Variants in WDR77 observed in about 807,000 individuals in gnomAD.
WDR77 encodes WD repeat domain 77.
A neutral mutation model predicts 44.0 loss-of-function variants in WDR77; 31 were observed. The observed-to-expected ratio is 0.70, with a 90% CI of 0.53 to 0.95. The LOEUF (loss-of-function observed/expected upper bound fraction) is 0.95. WDR77 is among the 40% of genes least tolerant of loss of function. WDR77 has a pLI of 0.00. For synonymous variants in WDR77, 186 were observed against 165.7 expected, an observed-to-expected ratio of 1.12 and a Z score of -0.94; for missense variants, 390 against 423.9, an observed-to-expected ratio of 0.92 and a Z score of 0.70.
chr1:111,440,239 T>C lies in WDR77; in HGVS notation c.*991A>G, dbSNP rs1212366224. ...CTCACATAAGTGAAATATATCTAAC[T>C]ACACATAACACACATGCTTCAAAAA... On this transcript the variant is annotated 3_prime_UTR_variant, in exon 10 of 10. Coordinates refer to ENST00000235090, the MANE Select transcript of WDR77 (RefSeq NM_024102.4). 6.6e-6 allele frequency: 1 copy of C among 152,198 alleles called. No individual in the cohort carries two copies. Among genetic ancestry groups the C allele is most frequent in the African/African-American group, 2.4e-5 (1 of 41,448 alleles). 9.4% of individuals were successfully genotyped at this position (152,198 alleles called of 1,614,324 possible).
intron 8 of WDR77, 47 bp downstream of exon 8, chr1:111,442,606 C>T (rs1164677023): frequency 8.2e-6 from 11 of 1,335,586 alleles, no homozygotes; most frequent in Admixed American, 5.0e-5. Flanking sequence ...CACACCCTCA[C>T]GGTTCCCATT....
intron 8 of WDR77, among the ~76,000 whole-genome samples, chr1:111,442,345 T>C (rs1652850683): frequency 6.6e-6 from 1 of 152,192 alleles, no homozygotes; most frequent in South Asian, 2.1e-4. Flanking sequence ...GCTTCAGCAA[T>C]AACCCAGAAA....
Position 111,443,535 on chromosome 1 carries a change from G to C in WDR77, c.620-141C>G, listed in dbSNP as rs887961257. On this transcript the variant is annotated intron_variant, in intron 6 of 9. Coordinates refer to ENST00000235090, the MANE Select transcript of WDR77 (RefSeq NM_024102.4). ...AAGGCAGCAGTGTCCTCATCCTTGA[G>C]CCTCATAACCATTTATCCCAGCAGC... 5 of 1,262,930 alleles carry C rather than the reference G, an allele frequency of 4.0e-6. No individual in the cohort carries two copies. The African/African-American group carries it at 6.1e-5, about 15-fold the overall frequency. 78.2% of individuals were successfully genotyped at this position (1,262,930 alleles called of 1,614,324 possible).
intron 7 of WDR77, among the ~76,000 whole-genome samples, 170 bp from the exon 8 acceptor site, chr1:111,442,931 G>A (rs1652873152): frequency 6.6e-6 from 1 of 152,196 alleles, no homozygotes. Flanking sequence ...TTAAGTTAAT[G>A]AACGAAGCAG....
rs1308466453 is a variant in WDR77 at position 111,441,000 on chromosome 1, C to T, written c.*230G>A. On this transcript the variant is annotated 3_prime_UTR_variant, in exon 10 of 10. Coordinates refer to ENST00000235090, the MANE Select transcript of WDR77 (RefSeq NM_024102.4). The stretch of plus-strand genomic sequence containing the variant: ...GCCACTACCAAAAACTATAAATCTA[C>T]ACACACACTCACACGCACATACATG... 2.9e-6 allele frequency: 1 copy of T among 340,374 alleles called. No individual in the cohort carries two copies. Among genetic ancestry groups the T allele is most frequent in the East Asian group, 4.6e-5 (1 of 21,522 alleles). 21.1% of individuals were successfully genotyped at this position (340,374 alleles called of 1,614,324 possible).
At chr1:111,447,187 T>C (rs1458778517) in intron 3 of WDR77, 43 bp from the exon 4 acceptor site, 3 of 1,608,330 alleles carry the variant, frequency 1.9e-6, no homozygotes, top group Non-Finnish European at 2.6e-6. Flanking sequence ...TGACCTACAC[T>C]ATCAACATAA....
intron 4 of WDR77, among the ~76,000 whole-genome samples, chr1:111,445,894 A>G (rs1258050093): frequency 6.6e-6 from 1 of 152,028 alleles, no homozygotes; most frequent in Non-Finnish European, 1.5e-5. Context: ...TCAGCCTCCC[A>G]AGTAGCTGGG....
rs774127230 is a variant in WDR77, at chr1:111,441,267, G to A, written c.992C>T (p.Pro331Leu). 1.9e-6 allele frequency: 3 copies of A among 1,580,332 alleles called. No homozygotes were observed. Among genetic ancestry groups the A allele is most frequent in the African/African-American group, 2.7e-5 (2 of 73,322 alleles). ...ACTTGCAGGTCCAGGGGCTGGGAGA[G>A]GTTCTGTGGGCACAACGTGGTGGAC... ...QVVHHVVPTE[P>L]LPAPGPASVT... Residue 331 changes from proline (P) to leucine (L), a missense_variant, in exon 10 of 10, where the codon CCT (proline) becomes CTT (leucine). Physicochemically the swap from Pro to Leu is moderately conservative, Grantham distance 98. Coordinates refer to ENST00000235090, the MANE Select transcript of WDR77 (RefSeq NM_024102.4).
At chr1:111,448,295 T>C (rs1464324378) in intron 2 of WDR77, among the ~76,000 whole-genome samples, 1 of 152,060 alleles carries the variant, frequency 6.6e-6, no homozygotes, top group Non-Finnish European at 1.5e-5. Context: ...GTAGCACAGA[T>C]TGGCTTCAAT....
At chr1:111,447,755 G>A (rs79930723) in intron 2 of WDR77, among the ~76,000 whole-genome samples, 179 bp from the exon 3 acceptor site, 3 of 152,148 alleles carry the variant, frequency 2.0e-5, no homozygotes, top group East Asian at 3.9e-4. Flanking sequence ...TTTATTCTGC[G>A]TTACTGTTTT....
chr1:111,443,214 A>C, intron 7 of WDR77, 109 bp downstream of exon 7: 3 of 1,035,348 alleles, frequency 2.9e-6, no homozygotes, highest in Non-Finnish European at 4.2e-6. Context: ...TCTAGTGTCC[A>C]TGAGGGCTAA....
Position 111,444,108 on chromosome 1 carries a change from G to A in WDR77, c.510C>T (p.Val170=). ...TGTGAGGAGAGGCAGCAACACAAGT[G>A]ACCTGAGCAGCATGAGCTATAAAGG... is the stretch of plus-strand genomic sequence containing the variant. ...LSSYRAHAAQ[V]TCVAASPHKD... is the part of the protein sequence containing the mutation. Residue 170 remains valine (V), a synonymous_variant, in exon 5 of 10, where the codon GTC becomes GTT. Transcript: ENST00000235090. 6.2e-7 allele frequency: 1 copy of A among 1,613,846 alleles called. No homozygotes were observed. The highest frequency in any genetic ancestry group is 8.5e-7 in the Non-Finnish European group (1 of 1,180,028).
Position 111,448,810 on chromosome 1 carries a change from G to C in WDR77, c.116-6C>G. Reference sequence around the variant, plus strand: ...CCCGAGGAGAAGCGCCCCATCTACGGGGGGTACAAGCTGTCAGCGCGTGAA... The same window carrying C: ...CCCGAGGAGAAGCGCCCCATCTACGCGGGGTACAAGCTGTCAGCGCGTGAA... On this transcript the variant is annotated splice_region_variant and splice_polypyrimidine_tract_variant and intron_variant, in intron 1 of 9. Transcript: ENST00000235090. 5 of 1,567,964 alleles carry C rather than the reference G, an allele frequency of 3.2e-6. No individual in the cohort carries two copies. The highest frequency in any genetic ancestry group is 4.3e-6 in the Non-Finnish European group (5 of 1,155,740).
At chr1:111,442,909 T>C (rs1286189347) in intron 7 of WDR77, 148 bp from the exon 8 acceptor site, 3 of 550,810 alleles carry the variant, frequency 5.4e-6, no homozygotes, top group Admixed American at 3.4e-5. Flanking sequence ...AGTCACTGGA[T>C]CATTGTGAAA....
At chr1:111,441,445 GAA>G in intron 9 of WDR77, 56 bp from the exon 10 acceptor site, 1 of 1,422,442 alleles carries the variant, frequency 7.0e-7, no homozygotes, top group Non-Finnish European at 9.3e-7. Flanking sequence ...CAGACCTGGA[GAA>G]AAAAAGAGAA....
intron 3 of WDR77, 74 bp from the exon 4 acceptor site, chr1:111,447,218 TTC>T (rs1653077846): frequency 6.3e-7 from 1 of 1,576,758 alleles, no homozygotes; most frequent in Admixed American, 1.7e-5. Context: ...AAACAAGAAC[TTC>T]CTGTAATCAA....
intron 4 of WDR77, among the ~76,000 whole-genome samples, chr1:111,446,384 C>G (rs2101746447): frequency 1.3e-5 from 2 of 151,748 alleles, no homozygotes; most frequent in African/African-American, 4.8e-5. Context: ...ATGGTTCTCA[C>G]CAGAAAACAG....
intron 4 of WDR77, among the ~76,000 whole-genome samples, chr1:111,445,014 A>G (rs1652968476): frequency 6.6e-6 from 1 of 152,256 alleles, no homozygotes; most frequent in Admixed American, 6.5e-5. Context: ...AAGTAGCGTT[A>G]ACCTGCGAAT....
At position 111,441,283 on chromosome 1, in the gene WDR77, C is replaced by G; in HGVS notation, c.976G>C (p.Val326Leu). 3 of 1,587,234 alleles carry G rather than the reference C, an allele frequency of 1.9e-6. No homozygotes were observed. Among genetic ancestry groups the G allele is most frequent in the South Asian group, 1.1e-5 (1 of 87,550 alleles). ...VGWDHQVVHH[V>L]VPTEPLPAPG... Reference sequence around the variant, plus strand: ...GCTGGGAGAGGTTCTGTGGGCACAACGTGGTGGACGACCTGATGGTCCCAG... The same window carrying G: ...GCTGGGAGAGGTTCTGTGGGCACAAGGTGGTGGACGACCTGATGGTCCCAG... Residue 326 changes from valine to leucine, a missense_variant, in exon 10 of 10, where the codon GTT becomes CTT. By Grantham distance (32) the Val-to-Leu change is conservative. Coordinates refer to ENST00000235090, the MANE Select transcript of WDR77 (RefSeq NM_024102.4).
Sources: gnomAD v4.1 joint callset for allele counts (sites outside exome capture counted in the v4.1 genomes callset) on GRCh38, gnomAD v4.1.1 for gene constraint, MANE v1.5 for transcripts, NCBI Gene and HGNC (gene_info 2026-07-23, HGNC 2026-07-21) for gene names.